EBF3: variants seen among roughly 807,000 people sequenced by gnomAD.
EBF3 encodes the protein EBF transcription factor 3.
EBF3 carries 18 observed loss-of-function variants against 77.1 expected under a neutral mutation model. That is an observed-to-expected ratio of 0.23 (90% CI 0.16 to 0.35). The LOEUF (loss-of-function observed/expected upper bound fraction) is 0.35. EBF3 is among the 10% of genes least tolerant of loss of function. The pLI is 1.00. For synonymous variants in EBF3, 350 were observed against 343.5 expected (o/e 1.02, Z -0.21); for missense variants, 558 against 860.0 (o/e 0.65, Z 4.39).
Position 129,897,147 on chromosome 10 carries a change from T to C in EBF3, c.555-19298A>G, listed in dbSNP as rs889211317. 2.0e-5 allele frequency among the ~76,000 whole-genome samples: 3 copies of C among 151,948 alleles called. No individual in the cohort carries two copies. Among genetic ancestry groups the C allele is most frequent in the Non-Finnish European group, 4.4e-5 (3 of 67,996 alleles). On this transcript the variant is annotated intron_variant, in intron 6 of 16. Coordinates refer to ENST00000440978, the MANE Select transcript of EBF3 (RefSeq NM_001375380.1). This position sits in a 1 kb window ranked among gnomAD's most constrained non-coding sequence, Gnocchi z 4.6. The stretch of plus-strand genomic sequence containing the variant: ...AGACAAAGCCGGTCTCCTTTCGGGG[T>C]CCTGGGATGAGCACTGTGGTCACAG...
At chr10:129,939,569 A>T (rs1857588265) in intron 6 of EBF3, among the ~76,000 whole-genome samples, 1 of 152,170 alleles carries the variant, frequency 6.6e-6, no homozygotes, top group Non-Finnish European at 1.5e-5. Context: ...GTGAGGAAAC[A>T]GTTCAAGGGA....
rs189567797 is a variant in EBF3 at position 129,950,275 on chromosome 10, C to T, written c.554+6983G>A. 2.4e-3 allele frequency among the ~76,000 whole-genome samples: 361 copies of T among 152,328 alleles called. 5 individuals carry two copies. Among genetic ancestry groups the T allele is most frequent in the South Asian group, 3.9e-3 (19 of 4,828 alleles). On this transcript the variant is annotated intron_variant, in intron 6 of 16. Coordinates refer to ENST00000440978, the MANE Select transcript of EBF3 (RefSeq NM_001375380.1). ...TGGGAAGGCGCGGCTGCTGCCCCCA[C>T]CACCGTTTGCAGAGGATGCGCCCCA...
At position 129,944,942 on chromosome 10, in the gene EBF3, T is replaced by A. The variant is rs1455673748; in HGVS notation, c.554+12316A>T. ...GAAAAACACTGTCTGAAGTTTAGAA[T>A]AAACTGTACTTGACATTTATGTACC... On this transcript the variant is annotated intron_variant, in intron 6 of 16. Coordinates refer to ENST00000440978, the MANE Select transcript of EBF3 (RefSeq NM_001375380.1). This position sits in a 1 kb window ranked among gnomAD's most constrained non-coding sequence, Gnocchi z 5.1. Among the ~76,000 whole-genome samples, 3 of 150,824 alleles carry A rather than the reference T, an allele frequency of 2.0e-5. No individual in the cohort carries two copies. Among genetic ancestry groups the A allele is most frequent in the African/African-American group, 7.3e-5 (3 of 40,858 alleles).
intron 6 of EBF3, among the ~76,000 whole-genome samples, chr10:129,907,782 C>T (rs764604161): frequency 6.6e-5 from 10 of 152,160 alleles, no homozygotes; most frequent in Non-Finnish European, 1.2e-4. Context: ...TTTTCCTTTG[C>T]AATAACACTC....
intron 6 of EBF3, among the ~76,000 whole-genome samples, chr10:129,902,160 C>CCA (rs1370477533): frequency 1.3e-5 from 2 of 152,006 alleles, no homozygotes; most frequent in East Asian, 3.9e-4. Context: ...ACTTAGTTCC[C>CCA]CACCACAACG....
Position 129,935,060 on chromosome 10 carries a change from T to C in EBF3, c.554+22198A>G, listed in dbSNP as rs565228526. On this transcript the variant is annotated intron_variant, in intron 6 of 16. Coordinates refer to ENST00000440978, the MANE Select transcript of EBF3 (RefSeq NM_001375380.1). This position sits in a 1 kb window ranked among gnomAD's most constrained non-coding sequence, Gnocchi z 4.2. ...AGATAAGTACATCCCAAATATCTCA[T>C]GGGATGTACTCATCCTAACACATTA... is the stretch of plus-strand genomic sequence containing the variant. Among the ~76,000 whole-genome samples the C allele has an allele frequency of 6.6e-6, 1 of 152,290 alleles. No homozygotes were observed. The highest frequency in any genetic ancestry group is 2.4e-5 in the African/African-American group (1 of 41,558).
At chr10:129,884,591 G>A (rs182706940) in intron 6 of EBF3, among the ~76,000 whole-genome samples, 9 of 152,246 alleles carry the variant, frequency 5.9e-5, no homozygotes, top group Admixed American at 1.3e-4. Context: ...CCTGCATGAC[G>A]TCATAGCGAA....
rs941315605 is a variant in EBF3 at position 129,870,749 on chromosome 10, C to A, written c.781+2703G>T. On this transcript the variant is annotated intron_variant, in intron 8 of 16. Transcript: ENST00000440978. The surrounding 1 kb of genome is among the most constrained non-coding windows in gnomAD (Gnocchi z 4.4). ...AGCATGTCAAAACGGGAGCGTGACT[C>A]AACTTGGAAACCCGTGTTGGAGACC... Among the ~76,000 whole-genome samples the A allele has an allele frequency of 2.6e-5, 4 of 152,318 alleles. No homozygotes were observed. Among genetic ancestry groups the A allele is most frequent in the African/African-American group, 9.6e-5 (4 of 41,566 alleles).
In EBF3 at chr10:129,861,286, G is replaced by T. The variant is rs1372806450; in HGVS notation, c.1039+5855C>A. On this transcript the variant is annotated intron_variant, in intron 10 of 16. Coordinates refer to ENST00000440978, the MANE Select transcript of EBF3 (RefSeq NM_001375380.1). The surrounding 1 kb of genome is among the most constrained non-coding windows in gnomAD (Gnocchi z 4.3). ...GATGGCAGTGGGCCTCACTCCCAGG[G>T]GAAGGGGCTGAGGCACAGATGCACG... is the stretch of plus-strand genomic sequence containing the variant. Among the ~76,000 whole-genome samples the T allele has an allele frequency of 6.6e-6, 1 of 152,144 alleles. No homozygotes were observed. The highest frequency in any genetic ancestry group is 1.9e-4 in the East Asian group (1 of 5,176).
intron 6 of EBF3, among the ~76,000 whole-genome samples, chr10:129,923,359 G>C (rs1453428488): frequency 6.6e-6 from 1 of 152,158 alleles, no homozygotes; most frequent in Admixed American, 6.6e-5. Flanking sequence ...GAAGAACAAA[G>C]CTGGAACTCA....
At chr10:129,962,475 G>A (rs1338058837) in intron 3 of EBF3, among the ~76,000 whole-genome samples, 1 of 152,010 alleles carries the variant, frequency 6.6e-6, no homozygotes. Context: ...GCCTGGTGGA[G>A]AGCAGGCCTG....
chr10:129,858,959 C>T (rs182302026), intron 10 of EBF3, among the ~76,000 whole-genome samples: 36 of 152,334 alleles, frequency 2.4e-4, no homozygotes, highest in Admixed American at 6.5e-4. Flanking sequence ...AAATCTGCCA[C>T]GGCCTCCTAT....
chr10:129,843,101 G>GT, intron 12 of EBF3, 36 bp downstream of exon 12: 1 of 1,604,608 alleles, frequency 6.2e-7, no homozygotes, highest in Non-Finnish European at 8.5e-7. Context: ...CTGGCATGGG[G>GT]GGGAGGATGG....
intron 14 of EBF3, 74 bp from the exon 15 acceptor site, chr10:129,840,516 G>A (rs1053928061): frequency 7.2e-5 from 107 of 1,481,594 alleles, no homozygotes; most frequent in East Asian, 4.0e-4. Flanking sequence ...CAAAGGCCTC[G>A]CCTCGGACGG....
In EBF3 at chr10:129,943,964, T is replaced by C. The variant is rs1423949522; in HGVS notation, c.554+13294A>G. On this transcript the variant is annotated intron_variant, in intron 6 of 16. Transcript: ENST00000440978. This position sits in a 1 kb window ranked among gnomAD's most constrained non-coding sequence, Gnocchi z 8.8. ...GCAGCGCGTGTGTCCATGGGTAAAA[T>C]ATCTCCCCAGACCTTCCCACCCTAT... Among the ~76,000 whole-genome samples the C allele has an allele frequency of 6.6e-6, 1 of 152,168 alleles. No homozygotes were observed. The highest frequency in any genetic ancestry group is 1.5e-5 in the Non-Finnish European group (1 of 68,040).
At chr10:129,891,305 A>C (rs754895437) in intron 6 of EBF3, among the ~76,000 whole-genome samples, 2 of 152,178 alleles carry the variant, frequency 1.3e-5, no homozygotes, top group Non-Finnish European at 2.9e-5. Flanking sequence ...GGTACAAGTC[A>C]CTACTTGTAG....
intron 6 of EBF3, among the ~76,000 whole-genome samples, chr10:129,917,940 G>A (rs529914911): frequency 1.3e-5 from 2 of 152,300 alleles, no homozygotes; most frequent in East Asian, 1.9e-4. Flanking sequence ...ATCATGAACT[G>A]TCCTACCAGA....
At position 129,964,220 on chromosome 10, in the gene EBF3, C is replaced by T; in HGVS notation, c.-452G>A. 8 of 984,914 alleles carry T rather than the reference C, an allele frequency of 8.1e-6. No homozygotes were observed. The highest frequency in any genetic ancestry group is 1.7e-5 in the African/African-American group (1 of 57,276). 61.0% of individuals were successfully genotyped at this position (984,914 alleles called of 1,614,324 possible). ...AGGCGGGGCGCGGCGGGGCCTGGAG[C>T]GGCGCGCGCAGCGGACGGAGGCGCA... is the stretch of plus-strand genomic sequence containing the variant. On this transcript the variant is annotated 5_prime_UTR_variant, in exon 1 of 17. Coordinates refer to ENST00000440978, the MANE Select transcript of EBF3 (RefSeq NM_001375380.1). The surrounding 1 kb of genome is among the most constrained non-coding windows in gnomAD (Gnocchi z 4.5).
intron 6 of EBF3, among the ~76,000 whole-genome samples, chr10:129,924,430 C>CAACA (rs1856514049): frequency 9.2e-6 from 1 of 108,450 alleles, no homozygotes. Context: ...ACAACAACAA[C>CAACA]AAAAAAAAAA....
Sources: allele counts gnomAD v4.1 joint callset (sites outside exome capture counted in the v4.1 genomes callset), GRCh38; gene constraint gnomAD v4.1.1; non-coding constraint Gnocchi (gnomAD v3.1); transcripts MANE v1.5; gene names NCBI Gene and HGNC (gene_info 2026-07-23, HGNC 2026-07-21).